Variants in LSAMP observed in about 807,000 individuals in gnomAD.
LSAMP encodes limbic system associated membrane protein.
Under a neutral mutation model 38.6 loss-of-function variants are expected in LSAMP, and 7 were observed. That is an observed-to-expected ratio of 0.18 (90% CI 0.10 to 0.34). The LOEUF (loss-of-function observed/expected upper bound fraction) is 0.34. Among genes scored for constraint, LSAMP ranks in the 10% least tolerant of loss-of-function variants. The probability of loss-of-function intolerance (pLI) is 1.00; values close to 1 mark genes in which losing one functional copy is unlikely to be tolerated. For synonymous variants in LSAMP, 154 were observed against 166.8 expected (o/e 0.92, Z 0.59); for missense variants, 313 against 420.0 (o/e 0.75, Z 2.23).
At chr3:116,082,854 A>G (rs2107413158) in intron 2 of LSAMP, among the ~76,000 whole-genome samples, 1 of 152,224 alleles carries the variant, frequency 6.6e-6, no homozygotes. Flanking sequence ...TATGAACACA[A>G]AGAAGGAAAC....
intron 1 of LSAMP, among the ~76,000 whole-genome samples, chr3:116,366,098 G>GAGAAAATT (rs1379430367): frequency 7.4e-6 from 1 of 134,708 alleles, no homozygotes; most frequent in African/African-American, 2.7e-5. Context: ...TACAGAATGA[G>GAGAAAATT]AGAAAATTTT....
chr3:115,830,716 C>A (rs3772951), intron 6 of LSAMP, among the ~76,000 whole-genome samples: 24,044 of 152,188 alleles, frequency 0.16, 2,327 homozygotes, highest in Non-Finnish European at 0.22. Flanking sequence ...GGATGGTATT[C>A]TACAGAAAAT....
intron 1 of LSAMP, among the ~76,000 whole-genome samples, chr3:116,230,924 G>T (rs1355505681): frequency 6.6e-6 from 1 of 152,266 alleles, no homozygotes; most frequent in East Asian, 1.9e-4. Flanking sequence ...GGAAGAGTTT[G>T]TAGTCTTATT....
At chr3:115,834,732 A>T in intron 6 of LSAMP, 1 of 291,826 alleles carries the variant, frequency 3.4e-6, no homozygotes, top group South Asian at 4.5e-5. Flanking sequence ...CTCATAAAAC[A>T]TTTGTCTGTA....
chr3:116,242,077 C>T (rs1306429064), intron 1 of LSAMP, among the ~76,000 whole-genome samples: 2 of 152,198 alleles, frequency 1.3e-5, no homozygotes, highest in Non-Finnish European at 2.9e-5. Flanking sequence ...CACATTCCCT[C>T]CCATGTGTTA....
At chr3:116,233,399 C>A (rs1241966762) in intron 1 of LSAMP, among the ~76,000 whole-genome samples, 1 of 98,326 alleles carries the variant, frequency 1.0e-5, no homozygotes, top group Admixed American at 1.8e-4. Context: ...GGCGACAGAG[C>A]GAGACTCTGT....
chr3:116,288,657 C>T (rs1475753857), intron 1 of LSAMP, among the ~76,000 whole-genome samples: 1 of 152,130 alleles, frequency 6.6e-6, no homozygotes, highest in African/African-American at 2.4e-5. Flanking sequence ...TGCTAACTTC[C>T]CCAAACATGC....
chr3:116,107,288 T>C (rs1248443168), intron 1 of LSAMP, among the ~76,000 whole-genome samples: 2 of 152,132 alleles, frequency 1.3e-5, no homozygotes, highest in South Asian at 2.1e-4. Context: ...GAAAAGTATA[T>C]GCGTCAGGTA....
intron 1 of LSAMP, among the ~76,000 whole-genome samples, chr3:116,208,283 A>T (rs2046098386): frequency 6.7e-6 from 1 of 149,576 alleles, no homozygotes; most frequent in African/African-American, 2.4e-5. Context: ...TGTATTGGTT[A>T]TTCTAGTTAT....
intron 1 of LSAMP, among the ~76,000 whole-genome samples, chr3:116,287,099 G>A (rs2047204871): frequency 6.6e-6 from 1 of 152,040 alleles, no homozygotes; most frequent in African/African-American, 2.4e-5. Flanking sequence ...TTCTTGGAAG[G>A]TTTATATGTA....
intron 1 of LSAMP, among the ~76,000 whole-genome samples, chr3:116,153,031 T>G (rs1360907445): frequency 6.6e-6 from 1 of 152,046 alleles, no homozygotes; most frequent in Non-Finnish European, 1.5e-5. Flanking sequence ...AATGTTTGCT[T>G]TCTATATTTA....
In LSAMP at chr3:116,009,458, TTATAA is replaced by T. The variant is rs561966503; in HGVS notation, c.514+10052_514+10056del. Reference sequence around the variant, plus strand: ...AGTGTCATCATTCTGTTCACCTGGCTTATAATATAACTCCCTGAGAGGCTTTACTT... The same window carrying T: ...AGTGTCATCATTCTGTTCACCTGGCTTATAACTCCCTGAGAGGCTTTACTT... On this transcript the variant is annotated intron_variant, in intron 3 of 6. Transcript: ENST00000490035. 2.3e-3 allele frequency among the ~76,000 whole-genome samples: 352 copies of T among 152,326 alleles called. 2 individuals carry two copies. Among genetic ancestry groups the T allele is most frequent in the African/African-American group, 8.1e-3 (337 of 41,576 alleles).
intron 3 of LSAMP, among the ~76,000 whole-genome samples, chr3:115,911,594 T>C (rs1937137364): frequency 6.6e-6 from 1 of 152,156 alleles, no homozygotes; most frequent in African/African-American, 2.4e-5. Flanking sequence ...TCCATCCTCC[T>C]TGACCTCCCA....
At chr3:116,069,824 A>G (rs1707556488) in intron 2 of LSAMP, among the ~76,000 whole-genome samples, 2 of 152,220 alleles carry the variant, frequency 1.3e-5, no homozygotes, top group Admixed American at 1.3e-4. Flanking sequence ...AGAAATGCTT[A>G]TAAGGTATTT....
At chr3:115,944,533 C>A (rs540701108) in intron 3 of LSAMP, among the ~76,000 whole-genome samples, 2 of 152,178 alleles carry the variant, frequency 1.3e-5, no homozygotes, top group East Asian at 3.9e-4. Flanking sequence ...ACTTGTTCTG[C>A]CAATTCTGAA....
intron 1 of LSAMP, among the ~76,000 whole-genome samples, chr3:116,158,997 C>G (rs1709822074): frequency 6.6e-6 from 1 of 152,034 alleles, no homozygotes; most frequent in Admixed American, 6.6e-5. Flanking sequence ...TCAACAAAAA[C>G]AAGCAATGGG....
At chr3:116,430,339 TA>T (rs533093313) in intron 1 of LSAMP, among the ~76,000 whole-genome samples, 114 of 152,224 alleles carry the variant, frequency 7.5e-4, no homozygotes, top group Admixed American at 1.9e-3. Flanking sequence ...AGAATTCCAT[TA>T]AAAAAATCCA....
intron 1 of LSAMP, among the ~76,000 whole-genome samples, chr3:116,412,772 C>A (rs191756292): frequency 2.0e-5 from 3 of 152,102 alleles, no homozygotes; most frequent in East Asian, 1.9e-4. Context: ...ATGAGATAAA[C>A]CTAAACATCA....
At chr3:116,408,419 T>C (rs1232528310) in intron 1 of LSAMP, among the ~76,000 whole-genome samples, 1 of 152,112 alleles carries the variant, frequency 6.6e-6, no homozygotes, top group Non-Finnish European at 1.5e-5. Flanking sequence ...AAAATCTGAA[T>C]GAAGAAGAAT....
Sources: allele counts gnomAD v4.1 joint callset (sites outside exome capture counted in the v4.1 genomes callset), GRCh38; gene constraint gnomAD v4.1.1; transcripts MANE v1.5; gene names NCBI Gene and HGNC (gene_info 2026-07-23, HGNC 2026-07-21).